WWOX: variants seen among roughly 807,000 people sequenced by gnomAD.
WWOX encodes WW domain-containing oxidoreductase.
A neutral mutation model predicts 46.2 loss-of-function variants in WWOX; 69 were observed. The observed-to-expected ratio is 1.49, with a 90% confidence interval of 1.23 to 1.82. WWOX has a LOEUF of 1.82. Ranked by LOEUF, WWOX falls within the 40% of genes most tolerant of loss-of-function variation. WWOX has a pLI of 0.00. For synonymous variants in WWOX, 359 were observed against 202.6 expected, an observed-to-expected ratio of 1.77 and a Z score of -6.56; for missense variants, 919 against 542.6, an observed-to-expected ratio of 1.69 and a Z score of -6.89.
intron 8 of WWOX, among the ~76,000 whole-genome samples, chr16:78,984,488 G>A (rs767690726): frequency 3.3e-5 from 5 of 152,210 alleles, no homozygotes; most frequent in South Asian, 2.1e-4. Context: ...GGGTGTGGCC[G>A]TGTGCCAATA....
At chr16:78,674,380 G>C (rs564792210) in intron 8 of WWOX, among the ~76,000 whole-genome samples, 2 of 151,114 alleles carry the variant, frequency 1.3e-5, no homozygotes, top group African/African-American at 4.9e-5. Flanking sequence ...TCCCTTCCAA[G>C]TTCAAGCAAT....
chr16:78,673,483 C>T (rs2047515660), intron 8 of WWOX, among the ~76,000 whole-genome samples: 1 of 152,306 alleles, frequency 6.6e-6, no homozygotes, highest in Middle Eastern at 3.4e-3. Context: ...TAAAACAGGG[C>T]TTCCAGGAAA....
At chr16:79,014,842 A>G (rs1785184003) in intron 8 of WWOX, among the ~76,000 whole-genome samples, 1 of 152,194 alleles carries the variant, frequency 6.6e-6, no homozygotes, top group Non-Finnish European at 1.5e-5. Flanking sequence ...TTATCTGATT[A>G]TCTGATTCTC....
chr16:78,655,986 A>T (rs1441329829), intron 8 of WWOX, among the ~76,000 whole-genome samples: 1 of 152,152 alleles, frequency 6.6e-6, no homozygotes, highest in African/African-American at 2.4e-5. Context: ...CCAGGGGGAA[A>T]AAAAGAGAAA....
At chr16:79,078,087 A>T (rs1206874827) in intron 8 of WWOX, 3 of 152,146 alleles carry the variant, frequency 2.0e-5, no homozygotes, top group Non-Finnish European at 4.4e-5. Flanking sequence ...GATTTTTTTT[A>T]GAACTGGAAG....
chr16:78,736,369 G>A (rs2049092023), intron 8 of WWOX, among the ~76,000 whole-genome samples: 1 of 152,096 alleles, frequency 6.6e-6, no homozygotes, highest in Non-Finnish European at 1.5e-5. Flanking sequence ...TTCCAGAGAA[G>A]GTCACAAAAG....
chr16:78,462,132 T>G (rs1393295794), intron 8 of WWOX, among the ~76,000 whole-genome samples: 1 of 152,260 alleles, frequency 6.6e-6, no homozygotes, highest in East Asian at 1.9e-4. Flanking sequence ...CAAGTTCCTC[T>G]GAGTATTACA....
intron 8 of WWOX, among the ~76,000 whole-genome samples, chr16:78,923,212 C>G (rs914391363): frequency 6.6e-6 from 1 of 152,052 alleles, no homozygotes; most frequent in Non-Finnish European, 1.5e-5. Context: ...AACTCCCAAC[C>G]TCAGGTGATC....
intron 8 of WWOX, among the ~76,000 whole-genome samples, chr16:79,102,888 A>G (rs1416640606): frequency 6.6e-6 from 1 of 151,416 alleles, no homozygotes; most frequent in African/African-American, 2.5e-5. Context: ...GTACTTGGGC[A>G]CGCACATGCA....
intron 8 of WWOX, among the ~76,000 whole-genome samples, chr16:78,751,944 G>A (rs1009311986): frequency 6.6e-6 from 1 of 152,170 alleles, no homozygotes; most frequent in Non-Finnish European, 1.5e-5. Context: ...TCTTTCTTCT[G>A]GTGCCTCCAC....
chr16:78,585,438 C>G (rs1239199064), intron 8 of WWOX, among the ~76,000 whole-genome samples: 2 of 152,114 alleles, frequency 1.3e-5, no homozygotes, highest in African/African-American at 4.8e-5. Context: ...GACCACCTCC[C>G]AAAAGCTGGA....
At chr16:78,952,300 A>G (rs984273248) in intron 8 of WWOX, among the ~76,000 whole-genome samples, 4 of 151,762 alleles carry the variant, frequency 2.6e-5, no homozygotes, top group African/African-American at 7.3e-5. Flanking sequence ...AAATCCTTCT[A>G]TAAGTTTTCA....
chr16:78,267,849 CCTT>C (rs1391838905), intron 5 of WWOX, among the ~76,000 whole-genome samples: 6 of 152,204 alleles, frequency 3.9e-5, no homozygotes, highest in Admixed American at 2.6e-4. Flanking sequence ...AAGTGATTCT[CCTT>C]CTTCAGCCTC....
At chr16:79,072,309 G>C (rs1229540346) in intron 8 of WWOX, among the ~76,000 whole-genome samples, 2 of 151,942 alleles carry the variant, frequency 1.3e-5, no homozygotes, top group African/African-American at 4.8e-5. Context: ...ACAGAAAACA[G>C]TATTCCTATC....
At position 78,768,365 on chromosome 16, in the gene WWOX, G is replaced by A. The variant is rs146385476; in HGVS notation, c.1056+335613G>A. Among the ~76,000 whole-genome samples, 15 of 151,592 alleles carry A rather than the reference G, an allele frequency of 9.9e-5. No homozygotes were observed. In the East Asian group the frequency reaches 2.7e-3, roughly 27 times the overall value. ...AGCACTTTGGGAGGCTGAGGTGGGC[G>A]GATCATCTGAGGTGAGGAGTTTGAG... On this transcript the variant is annotated intron_variant, in intron 8 of 8. Coordinates refer to ENST00000566780, the MANE Select transcript of WWOX (RefSeq NM_016373.4).
intron 8 of WWOX, among the ~76,000 whole-genome samples, chr16:78,822,691 A>G (rs1469646516): frequency 6.6e-6 from 1 of 152,306 alleles, no homozygotes; most frequent in East Asian, 1.9e-4. Flanking sequence ...TGCTGGGTGA[A>G]AGCTTTTTAT....
At chr16:78,278,542 C>G in intron 5 of WWOX, 1 of 1,492,128 alleles carries the variant, frequency 6.7e-7, no homozygotes. Flanking sequence ...CTTCAAGAAA[C>G]AGTTCTATGT....
At chr16:78,977,086 T>C (rs907652833) in intron 8 of WWOX, among the ~76,000 whole-genome samples, 1 of 152,222 alleles carries the variant, frequency 6.6e-6, no homozygotes, top group African/African-American at 2.4e-5. Context: ...ACCTTTTTGA[T>C]GCCTCCAGGC....
At chr16:78,673,719 A>G (rs903714103) in intron 8 of WWOX, among the ~76,000 whole-genome samples, 3 of 152,242 alleles carry the variant, frequency 2.0e-5, no homozygotes, top group Admixed American at 1.3e-4. Flanking sequence ...TTAGCATTTT[A>G]TGTAAATCAG....
Sources: gnomAD v4.1 joint callset for allele counts (sites outside exome capture counted in the v4.1 genomes callset) on GRCh38, gnomAD v4.1.1 for gene constraint, MANE v1.5 for transcripts, NCBI Gene and HGNC (gene_info 2026-07-23, HGNC 2026-07-21) for gene names.